Variants in SCN9A observed in about 807,000 individuals in gnomAD.
The protein encoded by SCN9A is sodium channel protein type 9 subunit alpha.
A neutral mutation model predicts 187.0 loss-of-function variants in SCN9A; 131 were observed. The observed-to-expected ratio is 0.70, with a 90% CI of 0.61 to 0.81. The LOEUF (loss-of-function observed/expected upper bound fraction) is 0.81, where lower values mean the gene tolerates loss of function less well. Among genes scored for constraint, SCN9A ranks in the 30% least tolerant of loss-of-function variants. SCN9A has a pLI of 0.00. For missense variants in SCN9A, 2,252 were observed against 2,396.6 expected (o/e 0.94, Z 1.26); for synonymous variants, 809 against 808.6 (o/e 1.00, Z -0.01).
chr2:166,352,623 A>C (rs957799082), intron 1 of SCN9A, among the ~76,000 whole-genome samples: 2 of 152,184 alleles, frequency 1.3e-5, no homozygotes, highest in African/African-American at 4.8e-5. Context: ...ACTGATTAAA[A>C]ATGTTTTCTC....
intron 24 of SCN9A, among the ~76,000 whole-genome samples, chr2:166,224,645 TG>T (rs1246998893): frequency 6.6e-6 from 1 of 152,178 alleles, no homozygotes; most frequent in African/African-American, 2.4e-5. Flanking sequence ...AATGTTTTAA[TG>T]GAACATATTT....
Position 166,226,646 on chromosome 2 carries a change from A to C in SCN9A, c.4319T>G (p.Phe1440Cys). ...AGTGAAGAATGACCCAAAGATGATA[A>C]AGACGACAAAATAAATATACATGTA... The part of the protein sequence containing the change: ...SLYMYIYFVV[F>C]IIFGSFFTLN... The change falls in exon 24 of 27, where the codon TTT becomes TGT. Residue 1440 changes from phenylalanine (F) to cysteine (C), a missense_variant. Transcript: ENST00000642356. The C allele has an allele frequency of 1.3e-6, 2 of 1,588,806 alleles. No individual in the cohort carries two copies. Among genetic ancestry groups the C allele is most frequent in the Non-Finnish European group, 1.7e-6 (2 of 1,167,506 alleles).
chr2:166,238,211 A>G lies in SCN9A; in HGVS notation c.3684T>C (p.Tyr1228=), dbSNP rs144941725. Residue 1228 remains tyrosine, a synonymous_variant, in exon 20 of 27, where the codon TAT becomes TAC. Coordinates refer to ENST00000642356, the MANE Select transcript of SCN9A (RefSeq NM_001365536.1). The stretch of plus-strand genomic sequence containing the variant: ...AGATGTAAGTGAAGATCTTGTCTGC[A>G]TACTCCAGGATAATCTTAATGGTCT... ...RKKTIKIILE[Y]ADKIFTYIFI... 740 of 1,602,256 alleles carry G rather than the reference A, an allele frequency of 4.6e-4. 2 individuals are homozygous for G. The Middle Eastern group carries it at 8.1e-3, about 18-fold the overall frequency.
At chr2:166,309,200 T>G (rs1452879160) in intron 2 of SCN9A, among the ~76,000 whole-genome samples, 1 of 152,116 alleles carries the variant, frequency 6.6e-6, no homozygotes, top group Non-Finnish European at 1.5e-5. Context: ...TCATCTGAGC[T>G]AACATGAAAA....
At chr2:166,258,329 T>C (rs1036176859) in intron 17 of SCN9A, among the ~76,000 whole-genome samples, 3 of 151,550 alleles carry the variant, frequency 2.0e-5, no homozygotes, top group Non-Finnish European at 4.4e-5. Flanking sequence ...ATAGGATTTA[T>C]AATATGCTCT....
At chr2:166,299,716 G>C (rs1366459992) in intron 7 of SCN9A, among the ~76,000 whole-genome samples, 1 of 150,592 alleles carries the variant, frequency 6.6e-6, no homozygotes, top group Admixed American at 6.6e-5. Context: ...TTTGCTGATT[G>C]CTCTGGAATT....
intron 5 of SCN9A, among the ~76,000 whole-genome samples, chr2:166,305,236 C>T (rs1300251935): frequency 6.6e-6 from 1 of 151,804 alleles, no homozygotes; most frequent in Non-Finnish European, 1.5e-5. Context: ...AAAAGAGTAA[C>T]AATTATGAAT....
chr2:166,352,188 CT>C (rs1006155176), intron 1 of SCN9A, among the ~76,000 whole-genome samples: 21 of 152,226 alleles, frequency 1.4e-4, no homozygotes, highest in African/African-American at 4.6e-4. Flanking sequence ...CACGGCCCTA[CT>C]TTTAACAGCC....
intron 1 of SCN9A, among the ~76,000 whole-genome samples, chr2:166,358,931 T>C (rs1700215658): frequency 6.6e-6 from 1 of 152,196 alleles, no homozygotes; most frequent in African/African-American, 2.4e-5. Flanking sequence ...AAAATGTATC[T>C]TGGGTTAGGT....
chr2:166,362,094 T>C (rs564376709), intron 1 of SCN9A, among the ~76,000 whole-genome samples: 1 of 152,230 alleles, frequency 6.6e-6, no homozygotes, highest in East Asian at 1.9e-4. Flanking sequence ...AGATTTTTGA[T>C]GAAGACATTG....
intron 1 of SCN9A, among the ~76,000 whole-genome samples, chr2:166,323,566 A>G (rs1699294604): frequency 6.6e-6 from 1 of 152,138 alleles, no homozygotes; most frequent in Admixed American, 6.5e-5. Flanking sequence ...ACTAAAAGGA[A>G]AAAATGTGAG....
At chr2:166,205,727 C>G (rs772705972) in intron 24 of SCN9A, among the ~76,000 whole-genome samples, 1 of 152,086 alleles carries the variant, frequency 6.6e-6, no homozygotes, top group African/African-American at 2.4e-5. Flanking sequence ...GAACAGGCAA[C>G]CTACAGAATG....
rs200494981 is a variant in SCN9A, at chr2:166,277,145, C to T, written c.2712G>A (p.Thr904=). The T allele has an allele frequency of 3.4e-5, 55 of 1,613,878 alleles. No homozygotes were observed. The highest frequency in any genetic ancestry group is 2.6e-4 in the South Asian group (24 of 91,080). Residue 904 remains threonine (T), a synonymous_variant, in exon 16 of 27, where the codon ACG becomes ACA. Transcript: ENST00000642356. ...AGTCGTTCATGTGCCACCGTGGGAG[C>T]GTACAGTCATCATTGATCTTGCAGA... is the stretch of plus-strand genomic sequence containing the variant. ...ECVCKINDDC[T]LPRWHMNDFF... is the part of the protein sequence containing the mutation.
intron 20 of SCN9A, among the ~76,000 whole-genome samples, chr2:166,235,513 A>G (rs1250895877): frequency 6.6e-6 from 1 of 152,158 alleles, no homozygotes; most frequent in African/African-American, 2.4e-5. Context: ...AGGGCTTGTT[A>G]CAATGATTTG....
At chr2:166,215,798 A>G (rs114744468) in intron 24 of SCN9A, among the ~76,000 whole-genome samples, 3,013 of 151,532 alleles carry the variant, frequency 0.02, 117 homozygotes, top group African/African-American at 0.07. Flanking sequence ...AAAAAAGGAA[A>G]AGGTCACTGG....
At chr2:166,312,837 A>T (rs1026908027) in intron 1 of SCN9A, among the ~76,000 whole-genome samples, 2 of 149,800 alleles carry the variant, frequency 1.3e-5, no homozygotes, top group Non-Finnish European at 3.0e-5. Flanking sequence ...TTCCTGAGCT[A>T]TAAGTATCAA....
At chr2:166,249,610 T>C (rs1574803984) in intron 18 of SCN9A, among the ~76,000 whole-genome samples, 1 of 152,118 alleles carries the variant, frequency 6.6e-6, no homozygotes, top group South Asian at 2.1e-4. Flanking sequence ...GTTTCCATAA[T>C]ATTTCTTCTA....
intron 7 of SCN9A, chr2:166,301,970 T>A (rs970812298): frequency 6.6e-6 from 1 of 151,094 alleles, no homozygotes; most frequent in Non-Finnish European, 1.5e-5. Context: ...TTATTTATAG[T>A]CTTTTACCAT....
At chr2:166,230,372 G>T (rs1214685918) in intron 21 of SCN9A, among the ~76,000 whole-genome samples, 1 of 152,152 alleles carries the variant, frequency 6.6e-6, no homozygotes, top group African/African-American at 2.4e-5. Context: ...CCTCAAAAAA[G>T]ATTAGGAGGA....
Sources: allele counts gnomAD v4.1 joint callset (sites outside exome capture counted in the v4.1 genomes callset), GRCh38; gene constraint gnomAD v4.1.1; transcripts MANE v1.5; gene names NCBI Gene and HGNC (gene_info 2026-07-23, HGNC 2026-07-21).